PDE1C: variants seen among roughly 807,000 people sequenced by gnomAD.
PDE1C encodes dual specificity calcium/calmodulin-dependent 3',5'-cyclic nucleotide phosphodiesterase 1C.
PDE1C carries 62 observed loss-of-function variants against 93.1 expected under a neutral mutation model. That is an observed-to-expected ratio of 0.67 (90% CI 0.54 to 0.82). PDE1C has a LOEUF of 0.82. PDE1C is among the 40% of genes least tolerant of loss of function. The probability of loss-of-function intolerance (pLI) is 0.00; values close to 1 mark genes in which losing one functional copy is unlikely to be tolerated. For missense variants in PDE1C, 742 were observed against 884.6 expected, an observed-to-expected ratio of 0.84 and a Z score of 2.04; for synonymous variants, 325 against 310.1, an observed-to-expected ratio of 1.05 and a Z score of -0.50.
At chr7:32,319,087 G>A (rs1299175850) in intron 1 of PDE1C, among the ~76,000 whole-genome samples, 1 of 152,172 alleles carries the variant, frequency 6.6e-6, no homozygotes, top group Non-Finnish European at 1.5e-5. Context: ...GTTCTCCCGC[G>A]CCCTCCACGC....
intron 7 of PDE1C, among the ~76,000 whole-genome samples, chr7:31,854,042 A>G (rs1433996014): frequency 1.1e-4 from 17 of 152,100 alleles, no homozygotes; most frequent in Admixed American, 1.1e-3. Context: ...CTGTATTTTT[A>G]GATTGAAAAG....
chr7:31,941,866 C>A lies in PDE1C; in HGVS notation c.129-61006G>T, dbSNP rs202233101. Among the ~76,000 whole-genome samples, 4 of 152,222 alleles carry A rather than the reference C, an allele frequency of 2.6e-5. No individual in the cohort carries two copies. The East Asian group carries it at 7.7e-4, about 29-fold the overall frequency. ...TTCCTATGCTGGTCAAACAAGATAACGTATGAAAGTCTTTTGAAAACTGTT... is the reference window on the plus strand; with the variant it reads ...TTCCTATGCTGGTCAAACAAGATAAAGTATGAAAGTCTTTTGAAAACTGTT... On this transcript the variant is annotated intron_variant, in intron 2 of 17. Transcript: ENST00000396191.
upstream of PDE1C, among the ~76,000 whole-genome samples, chr7:32,300,522 C>A (rs1034712555): frequency 6.6e-6 from 1 of 152,148 alleles, no homozygotes; most frequent in African/African-American, 2.4e-5. Flanking sequence ...CACAGATAGA[C>A]CTGGGTCTGA....
chr7:32,364,649 C>T (rs1293345409), intron 1 of PDE1C, among the ~76,000 whole-genome samples: 1 of 152,200 alleles, frequency 6.6e-6, no homozygotes, highest in Non-Finnish European at 1.5e-5. Flanking sequence ...CCAGATGAGG[C>T]GCACAAGGTG....
intron 16 of PDE1C, chr7:31,789,116 CTG>C (rs765198009): frequency 1.3e-5 from 2 of 152,130 alleles, no homozygotes; most frequent in Non-Finnish European, 2.9e-5. Context: ...TCAGAGATTC[CTG>C]TGTGACCAAT....
chr7:32,271,901 G>C (rs1221379951), intron 1 of PDE1C, among the ~76,000 whole-genome samples: 1 of 152,176 alleles, frequency 6.6e-6, no homozygotes, highest in African/African-American at 2.4e-5. Flanking sequence ...ACTTTGGGGA[G>C]ATAAACTGGG....
chr7:32,294,082 C>T (rs73687124), intron 1 of PDE1C, among the ~76,000 whole-genome samples: 8,884 of 152,132 alleles, frequency 0.058, 895 homozygotes, highest in African/African-American at 0.2. Context: ...CCCTGCCTGC[C>T]CAGATCCCCT....
intron 2 of PDE1C, among the ~76,000 whole-genome samples, chr7:31,988,802 C>G (rs1783750084): frequency 6.6e-6 from 1 of 152,000 alleles, no homozygotes; most frequent in Non-Finnish European, 1.5e-5. Flanking sequence ...TGAGACCATC[C>G]TGGCGCACAT....
At chr7:31,696,683 T>C in the PDE1C span, among the ~76,000 whole-genome samples, 1 of 152,206 alleles carries the variant, frequency 6.6e-6, no homozygotes, top group Non-Finnish European at 1.5e-5. Context: ...TTTCTTTGCC[T>C]GACTTCCCTC....
At chr7:32,333,844 C>T (rs1233377174) in intron 1 of PDE1C, among the ~76,000 whole-genome samples, 2 of 152,174 alleles carry the variant, frequency 1.3e-5, no homozygotes, top group Non-Finnish European at 2.9e-5. Context: ...AACATAAACA[C>T]ATTAACATTG....
chr7:32,228,745 T>C (rs1315876176), intron 1 of PDE1C, among the ~76,000 whole-genome samples: 1 of 152,168 alleles, frequency 6.6e-6, no homozygotes, highest in African/African-American at 2.4e-5. Flanking sequence ...ACAGCCTGTG[T>C]CCTCCTGGCC....
At chr7:32,088,643 T>C (rs1455297709) in intron 3 of PDE1C, among the ~76,000 whole-genome samples, 3 of 152,230 alleles carry the variant, frequency 2.0e-5, no homozygotes, top group African/African-American at 7.2e-5. Context: ...GTGATGTCGC[T>C]GGGTGTTTGC....
At chr7:32,424,159 G>T (rs1785485789) in intron 1 of PDE1C, among the ~76,000 whole-genome samples, 1 of 152,114 alleles carries the variant, frequency 6.6e-6, no homozygotes, top group Non-Finnish European at 1.5e-5. Flanking sequence ...GAAAACATCT[G>T]CACCTGACAT....
chr7:31,702,675 A>T, the PDE1C span, among the ~76,000 whole-genome samples: 1 of 152,182 alleles, frequency 6.6e-6, no homozygotes, highest in Admixed American at 6.5e-5. Context: ...GCTTAAATTG[A>T]CTTACATCAA....
intron 2 of PDE1C, among the ~76,000 whole-genome samples, chr7:31,888,113 G>T (rs1798178511): frequency 6.6e-6 from 1 of 151,914 alleles, no homozygotes; most frequent in Admixed American, 6.6e-5. Flanking sequence ...AGCCGAGTGT[G>T]GTGGCAGGTG....
chr7:31,715,487 T>C, the PDE1C span, among the ~76,000 whole-genome samples: 6,066 of 152,278 alleles, frequency 0.04, 441 homozygotes, highest in African/African-American at 0.14. Context: ...GATCTGCCTG[T>C]CTTGGTCTCC....
At chr7:32,266,394 G>A (rs971592129) in intron 1 of PDE1C, among the ~76,000 whole-genome samples, 9 of 151,482 alleles carry the variant, frequency 5.9e-5, no homozygotes, top group Non-Finnish European at 7.4e-5. Context: ...CCAGCTAGTC[G>A]GGAGGCTGAG....
chr7:32,298,797 G>A, exon 1 of PDE1C: 13 of 1,534,862 alleles, frequency 8.5e-6, no homozygotes, highest in Non-Finnish European at 1.0e-5. Flanking sequence ...TCCCCCCCAC[G>A]GCGGAGTGAG....
intron 1 of PDE1C, among the ~76,000 whole-genome samples, chr7:32,061,635 C>T (rs1794819708): frequency 1.3e-5 from 2 of 152,348 alleles, no homozygotes; most frequent in Middle Eastern, 3.4e-3. Context: ...GATGAGGGCT[C>T]ATCCCATTTG....
Sources: allele counts gnomAD v4.1 joint callset (sites outside exome capture counted in the v4.1 genomes callset), GRCh38; gene constraint gnomAD v4.1.1; transcripts MANE v1.5; gene names NCBI Gene and HGNC (gene_info 2026-07-23, HGNC 2026-07-21).